VCF1: variants seen among roughly 807,000 people sequenced by gnomAD.
VCF1 encodes the protein protein VCF1.
the VCF1 span, among the ~76,000 whole-genome samples, chr17:73,224,839 G>GGA: frequency 5.9e-5 from 9 of 151,908 alleles, 1 homozygote; most frequent in East Asian, 3.9e-4. Flanking sequence ...GCACAGCACA[G>GGA]CACAGGACAG....
the VCF1 span, chr17:73,209,381 C>T: frequency 1.9e-6 from 2 of 1,066,590 alleles, no homozygotes; most frequent in Non-Finnish European, 2.6e-6. Context: ...AAGTAAACAA[C>T]TGCCTGTTAA....
At chr17:73,222,220 T>C in the VCF1 span, among the ~76,000 whole-genome samples, 1 of 147,902 alleles carries the variant, frequency 6.8e-6, no homozygotes. Context: ...AAAATTAAAT[T>C]AGTAAATACT....
At chr17:73,230,340 GACT>G in the VCF1 span, among the ~76,000 whole-genome samples, 2 of 151,844 alleles carry the variant, frequency 1.3e-5, no homozygotes, top group Middle Eastern at 3.2e-3. Context: ...AATAAGCAGG[GACT>G]CCCTCACTAC....
the VCF1 span, among the ~76,000 whole-genome samples, chr17:73,214,571 G>A: frequency 1.3e-5 from 2 of 152,166 alleles, no homozygotes; most frequent in Non-Finnish European, 2.9e-5. Flanking sequence ...TAAATTTGAA[G>A]TCTGTATTAG....
the VCF1 span, among the ~76,000 whole-genome samples, chr17:73,217,356 T>TA: frequency 7.8e-3 from 941 of 120,756 alleles, 5 homozygotes; most frequent in Non-Finnish European, 0.011. Flanking sequence ...GTATCTCAAT[T>TA]AAAAAAAAAA....
chr17:73,208,386 G>A, the VCF1 span: 13 of 1,614,160 alleles, frequency 8.1e-6, no homozygotes, highest in South Asian at 1.2e-4. Context: ...GCTTGTCAGT[G>A]AAGAAGACAA....
At chr17:73,213,197 T>TCAC in the VCF1 span, among the ~76,000 whole-genome samples, 1 of 150,640 alleles carries the variant, frequency 6.6e-6, no homozygotes, top group African/African-American at 2.4e-5. Flanking sequence ...TGAGCTGAGA[T>TCAC]CACGCCACTG....
At chr17:73,213,086 A>G in the VCF1 span, among the ~76,000 whole-genome samples, 1 of 152,044 alleles carries the variant, frequency 6.6e-6, no homozygotes, top group South Asian at 2.1e-4. Context: ...TCTACTAAAA[A>G]TACAAAAATT....
At chr17:73,209,421 C>G in the VCF1 span, 1 of 1,351,024 alleles carries the variant, frequency 7.4e-7, no homozygotes, top group East Asian at 2.5e-5. Flanking sequence ...ACTGAAAAGC[C>G]AACAGGCATT....
At chr17:73,222,597 G>A in the VCF1 span, among the ~76,000 whole-genome samples, 10 of 151,938 alleles carry the variant, frequency 6.6e-5, no homozygotes, top group South Asian at 4.2e-4. Context: ...GGCCAACATC[G>A]TGAAACCCAT....
chr17:73,222,913 C>T, the VCF1 span, among the ~76,000 whole-genome samples: 122 of 152,348 alleles, frequency 8.0e-4, 1 homozygote, highest in African/African-American at 2.8e-3. Context: ...AGCCCAACAA[C>T]CACACCCTGG....
the VCF1 span, among the ~76,000 whole-genome samples, chr17:73,212,127 T>C: frequency 6.6e-6 from 1 of 152,240 alleles, no homozygotes; most frequent in Non-Finnish European, 1.5e-5. Flanking sequence ...TTCAACTTTT[T>C]TGCAATGTGG....
the VCF1 span, among the ~76,000 whole-genome samples, chr17:73,223,927 A>C: frequency 6.6e-6 from 1 of 151,724 alleles, no homozygotes; most frequent in Non-Finnish European, 1.5e-5. Context: ...GCTACAGTGA[A>C]CCATGATCAT....
chr17:73,231,729 C>T, the VCF1 span, among the ~76,000 whole-genome samples: 1 of 152,156 alleles, frequency 6.6e-6, no homozygotes, highest in South Asian at 2.1e-4. Flanking sequence ...GCTCCCTCTC[C>T]AAGATGAGAC....
chr17:73,215,359 T>A, the VCF1 span, among the ~76,000 whole-genome samples: 1 of 152,236 alleles, frequency 6.6e-6, no homozygotes, highest in African/African-American at 2.4e-5. Context: ...TACAACTCAC[T>A]GAAGCCTTGA....
At chr17:73,212,438 T>A in the VCF1 span, among the ~76,000 whole-genome samples, 1 of 151,828 alleles carries the variant, frequency 6.6e-6, no homozygotes, top group Non-Finnish European at 1.5e-5. Flanking sequence ...AATAAAAAAA[T>A]AAAAAAATAA....
At chr17:73,211,869 CAA>C in the VCF1 span, among the ~76,000 whole-genome samples, 2 of 151,928 alleles carry the variant, frequency 1.3e-5, no homozygotes, top group Non-Finnish European at 2.9e-5. Flanking sequence ...AAAAACAAAA[CAA>C]AACAAAAAAA....
At chr17:73,208,329 C>T in the VCF1 span, 52 of 1,613,836 alleles carry the variant, frequency 3.2e-5, no homozygotes, top group South Asian at 5.4e-4. Context: ...CCCCCCGGCA[C>T]GCTCCACAGC....
the VCF1 span, among the ~76,000 whole-genome samples, chr17:73,222,801 A>G: frequency 6.9e-6 from 1 of 145,404 alleles, no homozygotes; most frequent in Non-Finnish European, 1.5e-5. Context: ...AGAAAAAAAA[A>G]GAGAAGACTA....
Sources: gnomAD v4.1 joint callset for allele counts (sites outside exome capture counted in the v4.1 genomes callset) on GRCh38, gnomAD v4.1.1 for gene constraint, MANE v1.5 for transcripts, NCBI Gene and HGNC (gene_info 2026-07-23, HGNC 2026-07-21) for gene names.